The following SLC16A7 variants were observed in gnomAD, a reference collection of about 807,000 sequenced individuals.
SLC16A7 encodes solute carrier family 16 member 7, also known as monocarboxylate transporter 2.
In SLC16A7, 33 loss-of-function variants were observed where a neutral mutation model predicts 34.9. The ratio of observed to expected loss-of-function variants is 0.94; its 90% CI spans 0.72 to 1.26. SLC16A7 has a LOEUF of 1.26. Ranked by LOEUF, SLC16A7 falls within the 50% of genes most tolerant of loss-of-function variation. SLC16A7 has a pLI of 0.00. For missense variants in SLC16A7, 573 were observed against 578.1 expected (o/e 0.99, Z 0.09); for synonymous variants, 201 against 206.6 (o/e 0.97, Z 0.23).
At chr12:59,711,182 G>T (rs182620684) in intron 3 of SLC16A7, among the ~76,000 whole-genome samples, 1 of 152,322 alleles carries the variant, frequency 6.6e-6, no homozygotes, top group East Asian at 1.9e-4. Context: ...GTGGAACTAT[G>T]TATCTGAGAT....
chr12:59,672,494 T>A (rs1869964791), intron 2 of SLC16A7, among the ~76,000 whole-genome samples: 1 of 151,952 alleles, frequency 6.6e-6, no homozygotes, highest in South Asian at 2.1e-4. Flanking sequence ...TCTGCTTCAT[T>A]GACTACTTCC....
chr12:59,612,412 ACCCTGGGC>A (rs532493348), intron 1 of SLC16A7, among the ~76,000 whole-genome samples: 5 of 151,982 alleles, frequency 3.3e-5, no homozygotes, highest in Admixed American at 3.3e-4. Flanking sequence ...AGAGTGGGGG[ACCCTGGGC>A]CCAGACCACA....
chr12:59,611,579 C>T (rs560251701), intron 1 of SLC16A7, among the ~76,000 whole-genome samples: 15 of 152,312 alleles, frequency 9.8e-5, no homozygotes, highest in African/African-American at 3.6e-4. Context: ...GCCCTTCTAA[C>T]AGTCCCCCAA....
chr12:59,637,155 G>T (rs1350403479), intron 1 of SLC16A7, among the ~76,000 whole-genome samples: 2 of 152,054 alleles, frequency 1.3e-5, no homozygotes, highest in African/African-American at 4.8e-5. Flanking sequence ...AAAAGAAGCA[G>T]TCCCTTCACT....
chr12:59,776,450 G>A (rs1212860802), intron 5 of SLC16A7, among the ~76,000 whole-genome samples: 1 of 152,148 alleles, frequency 6.6e-6, no homozygotes, highest in Non-Finnish European at 1.5e-5. Flanking sequence ...TTGTGCACCA[G>A]CCTTTGCCAG....
chr12:59,742,245 A>G (rs1413494694), intron 3 of SLC16A7, among the ~76,000 whole-genome samples: 2 of 152,112 alleles, frequency 1.3e-5, no homozygotes. Context: ...TTTGTCTCTT[A>G]ATGCTCATGT....
chr12:59,758,716 T>A (rs1037157385), intron 3 of SLC16A7, among the ~76,000 whole-genome samples: 1 of 152,114 alleles, frequency 6.6e-6, no homozygotes, highest in Non-Finnish European at 1.5e-5. Context: ...TTTAACAAAT[T>A]TCTTAACTAT....
chr12:59,691,029 A>C (rs1274109521), intron 2 of SLC16A7, among the ~76,000 whole-genome samples: 3 of 152,008 alleles, frequency 2.0e-5, no homozygotes, highest in South Asian at 4.1e-4. Flanking sequence ...TGCATACTAA[A>C]GTTTTGTATT....
chr12:59,670,869 C>A (rs565223105), intron 2 of SLC16A7, among the ~76,000 whole-genome samples: 1 of 152,294 alleles, frequency 6.6e-6, no homozygotes, highest in South Asian at 2.1e-4. Context: ...GGTTGGTAGC[C>A]CTGACTGCTG....
At chr12:59,629,946 A>C (rs1880104127) in intron 1 of SLC16A7, among the ~76,000 whole-genome samples, 1 of 151,894 alleles carries the variant, frequency 6.6e-6, no homozygotes, top group Non-Finnish European at 1.5e-5. Flanking sequence ...TATTCATTGC[A>C]TGTAAACTTT....
intron 1 of SLC16A7, among the ~76,000 whole-genome samples, chr12:59,616,038 GTTC>G (rs927451475): frequency 6.6e-6 from 1 of 152,148 alleles, no homozygotes; most frequent in Non-Finnish European, 1.5e-5. Context: ...GAACCTAACA[GTTC>G]CCAGAAGCCA....
intron 3 of SLC16A7, among the ~76,000 whole-genome samples, chr12:59,753,460 A>T (rs12820048): frequency 0.38 from 57,881 of 151,758 alleles, 11,653 homozygotes; most frequent in African/African-American, 0.51. Context: ...GCATTCCTAG[A>T]CTCTGATAAA....
rs946388824 is a variant in SLC16A7 at position 59,654,486 on chromosome 12, T to G, written c.-129-666T>G. 5.3e-5 allele frequency among the ~76,000 whole-genome samples: 8 copies of G among 151,962 alleles called. No individual in the cohort carries two copies. In the South Asian group the frequency reaches 1.7e-3, roughly 31 times the overall value. On this transcript the variant is annotated intron_variant, in intron 1 of 5. Transcript: ENST00000547379. ...TGGACAGAGAAATGAAAAACTTGTTTCAAGGTTCATATCATCAAAGAACAT... is the reference window on the plus strand; with the variant it reads ...TGGACAGAGAAATGAAAAACTTGTTGCAAGGTTCATATCATCAAAGAACAT...
intron 3 of SLC16A7, among the ~76,000 whole-genome samples, chr12:59,739,289 C>T (rs1241735498): frequency 3.6e-5 from 5 of 138,618 alleles, no homozygotes; most frequent in South Asian, 2.4e-4. Flanking sequence ...TGAGAATATG[C>T]GGTGTTTGGT....
At chr12:59,619,793 GC>G (rs768604807) in intron 1 of SLC16A7, among the ~76,000 whole-genome samples, 2 of 151,926 alleles carry the variant, frequency 1.3e-5, no homozygotes, top group Non-Finnish European at 2.9e-5. Flanking sequence ...TTCTAAATAA[GC>G]AATTATAATA....
At chr12:59,610,876 T>G (rs373938659) in intron 1 of SLC16A7, among the ~76,000 whole-genome samples, 2 of 152,358 alleles carry the variant, frequency 1.3e-5, no homozygotes, top group East Asian at 3.9e-4. Flanking sequence ...TTGTCCTAGC[T>G]TGGGCTGCTA....
chr12:59,741,665 T>C (rs1400046782), intron 3 of SLC16A7, among the ~76,000 whole-genome samples: 3 of 152,206 alleles, frequency 2.0e-5, no homozygotes, highest in African/African-American at 7.2e-5. Flanking sequence ...TCAATTTGAA[T>C]CTGAAGAAAA....
chr12:59,633,086 G>T (rs1296617193), intron 1 of SLC16A7, among the ~76,000 whole-genome samples: 2 of 151,930 alleles, frequency 1.3e-5, no homozygotes, highest in Non-Finnish European at 1.5e-5. Flanking sequence ...ACAAGATTTT[G>T]AGTTACATTT....
At chr12:59,679,309 C>T (rs1206017169) in intron 2 of SLC16A7, among the ~76,000 whole-genome samples, 1 of 152,180 alleles carries the variant, frequency 6.6e-6, no homozygotes, top group African/African-American at 2.4e-5. Context: ...TCCGCCTATT[C>T]CCGGCTATTT....
Sources: allele counts gnomAD v4.1 joint callset (sites outside exome capture counted in the v4.1 genomes callset), GRCh38; gene constraint gnomAD v4.1.1; transcripts MANE v1.5; gene names NCBI Gene and HGNC (gene_info 2026-07-23, HGNC 2026-07-21).